Variants in NPLOC4 observed in about 807,000 individuals in gnomAD.
The protein encoded by NPLOC4 is nuclear protein localization protein 4 homolog.
Under a neutral mutation model 80.6 loss-of-function variants are expected in NPLOC4, and 18 were observed. That is an observed-to-expected ratio of 0.22 (90% CI 0.15 to 0.33). The LOEUF (loss-of-function observed/expected upper bound fraction) is 0.33. Ranked by LOEUF, NPLOC4 falls within the 10% of genes least tolerant of loss-of-function variation. NPLOC4 has a pLI of 1.00. For synonymous variants in NPLOC4, 313 were observed against 301.5 expected (o/e 1.04, Z -0.39); for missense variants, 540 against 786.1 (o/e 0.69, Z 3.74).
intron 12 of NPLOC4, among the ~76,000 whole-genome samples, chr17:81,575,393 G>A (rs896331861): frequency 1.3e-5 from 2 of 152,160 alleles, no homozygotes. Context: ...GAGCCACAGC[G>A]CCCAGCTGAC....
At chr17:81,613,875 T>C (rs2035405484) in intron 3 of NPLOC4, among the ~76,000 whole-genome samples, 1 of 151,816 alleles carries the variant, frequency 6.6e-6, no homozygotes, top group African/African-American at 2.4e-5. Context: ...TGGGAGGCTC[T>C]CTCCTCCCCC....
chr17:81,563,795 A>G, intron 16 of NPLOC4: 1 of 365,512 alleles, frequency 2.7e-6, no homozygotes, highest in East Asian at 8.6e-5. Context: ...GAATGAAATC[A>G]TGTCCTTTGC....
intron 1 of NPLOC4, 32 bp from the exon 2 acceptor site, chr17:81,629,837 C>T (rs770568848): frequency 1.9e-5 from 29 of 1,507,206 alleles, no homozygotes; most frequent in Non-Finnish European, 2.6e-5. Context: ...GGTTACTGCA[C>T]AGCCTAGTGA....
In NPLOC4 at chr17:81,580,937, G is replaced by A. The variant is rs545836113; in HGVS notation, c.1281+8007C>T. ...CAGCCTCCCATGCCCACAGCTGGGG[G>A]CCTGGGAGAGACATGGCATGGAAGT... On this transcript the variant is annotated intron_variant, in intron 12 of 16. Coordinates refer to ENST00000331134, the MANE Select transcript of NPLOC4 (RefSeq NM_017921.4). This position sits in a 1 kb window ranked among gnomAD's most constrained non-coding sequence, Gnocchi z 4.4. Among the ~76,000 whole-genome samples the A allele has an allele frequency of 2.0e-5, 3 of 152,312 alleles. No individual in the cohort carries two copies. The highest frequency in any genetic ancestry group is 2.1e-4 in the South Asian group (1 of 4,832).
intron 9 of NPLOC4, among the ~76,000 whole-genome samples, chr17:81,598,386 A>C (rs1359672973): frequency 6.6e-6 from 1 of 152,220 alleles, no homozygotes; most frequent in East Asian, 1.9e-4. Context: ...GACCAACAGA[A>C]GGTGAGTGAA....
chr17:81,620,052 T>C (rs1424995834), intron 3 of NPLOC4, among the ~76,000 whole-genome samples: 1 of 152,162 alleles, frequency 6.6e-6, no homozygotes, highest in Non-Finnish European at 1.5e-5. Context: ...TGGGAAACTC[T>C]ACAGGTCAAT....
At chr17:81,575,616 A>C (rs2034276733) in intron 12 of NPLOC4, among the ~76,000 whole-genome samples, 1 of 152,232 alleles carries the variant, frequency 6.6e-6, no homozygotes, top group East Asian at 1.9e-4. Flanking sequence ...CGGCAAGGAC[A>C]GCTGGACAGC....
intron 12 of NPLOC4, among the ~76,000 whole-genome samples, chr17:81,575,443 T>C (rs1187648879): frequency 6.6e-6 from 1 of 152,122 alleles, no homozygotes; most frequent in East Asian, 1.9e-4. Context: ...AATAGTCCAG[T>C]CCGTGTGCAA....
intron 8 of NPLOC4, among the ~76,000 whole-genome samples, chr17:81,603,889 T>C (rs981678555): frequency 2.0e-5 from 3 of 152,250 alleles, no homozygotes; most frequent in Non-Finnish European, 2.9e-5. Flanking sequence ...TACATCATTA[T>C]ACATAATTAC....
At chr17:81,621,436 T>G (rs1010424687) in intron 3 of NPLOC4, among the ~76,000 whole-genome samples, 1 of 152,198 alleles carries the variant, frequency 6.6e-6, no homozygotes, top group Non-Finnish European at 1.5e-5. Context: ...GGCCCACCAC[T>G]GAGCCAGTGG....
intron 2 of NPLOC4, among the ~76,000 whole-genome samples, chr17:81,627,171 A>G (rs1222712083): frequency 6.6e-6 from 1 of 151,622 alleles, no homozygotes; most frequent in Non-Finnish European, 1.5e-5. Context: ...CAGGCGGATC[A>G]TGAGGTCAGG....
chr17:81,590,562 T>A (rs1030700547), intron 11 of NPLOC4, among the ~76,000 whole-genome samples: 1 of 152,078 alleles, frequency 6.6e-6, no homozygotes, highest in African/African-American at 2.4e-5. Flanking sequence ...CCCAGGCTGG[T>A]CTCTAACTCC....
intron 12 of NPLOC4, among the ~76,000 whole-genome samples, chr17:81,581,205 AGCCAGGCATGGTG>A (rs1211372973): frequency 1.3e-5 from 2 of 152,020 alleles, no homozygotes; most frequent in African/African-American, 4.8e-5. Context: ...CAAAAAAATT[AGCCAGGCATGGTG>A]GCAGGTGCCT....
At chr17:81,585,880 G>A (rs1201483629) in intron 12 of NPLOC4, among the ~76,000 whole-genome samples, 2 of 151,628 alleles carry the variant, frequency 1.3e-5, no homozygotes, top group African/African-American at 2.4e-5. Flanking sequence ...TCCCAGCTAC[G>A]CGGGAGGCTG....
At position 81,559,243 on chromosome 17, in the gene NPLOC4, G is replaced by A. The variant is rs776413086; in HGVS notation, c.*16C>T. ...GCTGGGCTGGGCCCGGTCCTAGCCA[G>A]CAGAGGGCAGGCGCCCTAGGTCCTG... On this transcript the variant is annotated 3_prime_UTR_variant, in exon 17 of 17. Transcript: ENST00000331134. 2.5e-6 allele frequency: 4 copies of A among 1,590,856 alleles called. No homozygotes were observed. Among genetic ancestry groups the A allele is most frequent in the South Asian group, 1.1e-5 (1 of 87,464 alleles).
intron 1 of NPLOC4, among the ~76,000 whole-genome samples, chr17:81,633,945 C>A (rs1013694310): frequency 6.6e-6 from 1 of 151,726 alleles, no homozygotes; most frequent in African/African-American, 2.4e-5. Context: ...CGGCTCACTG[C>A]AATCTCCGCC....
At chr17:81,583,519 C>T (rs138988560) in intron 12 of NPLOC4, among the ~76,000 whole-genome samples, 5 of 152,344 alleles carry the variant, frequency 3.3e-5, no homozygotes, top group East Asian at 3.9e-4. Context: ...AAAAGCCCCA[C>T]GTCCTGCCAC....
chr17:81,580,094 C>G lies in NPLOC4; in HGVS notation c.1282-8006G>C, dbSNP rs751093765. ...TCCCCAGCTCCTGCCTCCCAGTGCT[C>G]TCCACCTCATTCCCCCAAGGTGGGG... On this transcript the variant is annotated intron_variant, in intron 12 of 16. Coordinates refer to ENST00000331134, the MANE Select transcript of NPLOC4 (RefSeq NM_017921.4). This position sits in a 1 kb window ranked among gnomAD's most constrained non-coding sequence, Gnocchi z 4.4. Among the ~76,000 whole-genome samples, 6 of 152,176 alleles carry G rather than the reference C, an allele frequency of 3.9e-5. No individual in the cohort carries two copies. The highest frequency in any genetic ancestry group is 7.3e-5 in the Non-Finnish European group (5 of 68,034).
Position 81,565,619 on chromosome 17 carries a change from C to G in NPLOC4, c.1567-12G>C, listed in dbSNP as rs2033987218. On this transcript the variant is annotated splice_polypyrimidine_tract_variant and intron_variant, in intron 15 of 16. Transcript: ENST00000331134. ...AAGCTGATGCTGTCCTACAAGAAGC[C>G]AAAAGGAAGGTTCCTCTTCGCTGTG... is the stretch of plus-strand genomic sequence containing the variant. 1 of 1,534,248 alleles carries G rather than the reference C, an allele frequency of 6.5e-7. No individual in the cohort carries two copies. Among genetic ancestry groups the G allele is most frequent in the East Asian group, 2.4e-5 (1 of 41,046 alleles).
Sources: allele counts gnomAD v4.1 joint callset (sites outside exome capture counted in the v4.1 genomes callset), GRCh38; gene constraint gnomAD v4.1.1; non-coding constraint Gnocchi (gnomAD v3.1); transcripts MANE v1.5; gene names NCBI Gene and HGNC (gene_info 2026-07-23, HGNC 2026-07-21).